The following SHROOM3 variants were observed in gnomAD, a reference collection of about 807,000 sequenced individuals.
The protein encoded by SHROOM3 is shroom family member 3, also known as protein Shroom3.
In SHROOM3, 47 loss-of-function variants were observed where a neutral mutation model predicts 138.6. The ratio of observed to expected loss-of-function variants is 0.34; its 90% CI spans 0.27 to 0.43. SHROOM3 has a LOEUF of 0.43. SHROOM3 is among the 20% of genes least tolerant of loss of function. The pLI is 1.00. For missense variants in SHROOM3, 2,491 were observed against 2,596.5 expected (o/e 0.96, Z 0.88); for synonymous variants, 1,062 against 1,063.3 (o/e 1.00, Z 0.02).
chr4:76,558,322 A>G (rs1422796770), intron 2 of SHROOM3, among the ~76,000 whole-genome samples: 1 of 152,210 alleles, frequency 6.6e-6, no homozygotes, highest in Non-Finnish European at 1.5e-5. Flanking sequence ...CAGTTTCCTC[A>G]TTTGTGAAAT....
chr4:76,475,808 TC>T (rs1731472864), intron 1 of SHROOM3, among the ~76,000 whole-genome samples: 1 of 152,240 alleles, frequency 6.6e-6, no homozygotes, highest in Admixed American at 6.5e-5. Context: ...GAAGACAGTT[TC>T]AGTAAATTGT....
chr4:76,643,915 G>A (rs1036621286), intron 2 of SHROOM3, among the ~76,000 whole-genome samples: 59 of 152,044 alleles, frequency 3.9e-4, no homozygotes, highest in Admixed American at 3.1e-3. Flanking sequence ...CACGTTCTCA[G>A]CTCACTGCAA....
chr4:76,447,389 G>T (rs775298972), intron 1 of SHROOM3, among the ~76,000 whole-genome samples: 11 of 152,100 alleles, frequency 7.2e-5, no homozygotes, highest in Admixed American at 1.3e-4. Flanking sequence ...AAGTTGTGTG[G>T]GTACAATGTA....
intron 2 of SHROOM3, among the ~76,000 whole-genome samples, chr4:76,574,819 G>T (rs920326516): frequency 6.6e-6 from 1 of 152,180 alleles, no homozygotes; most frequent in African/African-American, 2.4e-5. Flanking sequence ...CCACAGGTTG[G>T]GGGAGGGGAG....
intron 2 of SHROOM3, among the ~76,000 whole-genome samples, chr4:76,567,143 A>T (rs1399881896): frequency 5.9e-5 from 9 of 152,222 alleles, no homozygotes. Flanking sequence ...AAAATTATAC[A>T]TGTGGGGACA....
chr4:76,481,549 A>G (rs1013601859), intron 1 of SHROOM3, among the ~76,000 whole-genome samples: 3 of 152,066 alleles, frequency 2.0e-5, no homozygotes, highest in Non-Finnish European at 4.4e-5. Context: ...TCACAGCCGA[A>G]TTCTACCAGA....
intron 1 of SHROOM3, among the ~76,000 whole-genome samples, chr4:76,527,837 A>G (rs1247422680): frequency 6.6e-6 from 1 of 152,196 alleles, no homozygotes; most frequent in Non-Finnish European, 1.5e-5. Context: ...GCCCATGACC[A>G]GCCCTGCTGG....
chr4:76,595,846 C>A (rs1577907686), intron 2 of SHROOM3, among the ~76,000 whole-genome samples: 1 of 152,254 alleles, frequency 6.6e-6, no homozygotes, highest in East Asian at 1.9e-4. Context: ...TTTAGATAAG[C>A]AAGTTTCTAA....
At chr4:76,550,433 GAGAGGATGAAAT>G (rs1326566619) in intron 1 of SHROOM3, among the ~76,000 whole-genome samples, 1 of 152,186 alleles carries the variant, frequency 6.6e-6, no homozygotes, top group African/African-American at 2.4e-5. Flanking sequence ...CCATTAAGAG[GAGAGGATGAAAT>G]AGATTCTGCC....
intron 2 of SHROOM3, among the ~76,000 whole-genome samples, chr4:76,560,476 C>G (rs1733576193): frequency 6.6e-6 from 1 of 152,200 alleles, no homozygotes; most frequent in Non-Finnish European, 1.5e-5. Flanking sequence ...GCCTTAGAAT[C>G]AATGAATCCT....
At chr4:76,488,670 G>C (rs1479064234) in intron 1 of SHROOM3, among the ~76,000 whole-genome samples, 1 of 152,114 alleles carries the variant, frequency 6.6e-6, no homozygotes, top group Non-Finnish European at 1.5e-5. Context: ...AGAGCCTTGG[G>C]GAAAATTTTA....
intron 1 of SHROOM3, among the ~76,000 whole-genome samples, chr4:76,489,711 G>T (rs564853783): frequency 1.1e-4 from 17 of 152,224 alleles, no homozygotes; most frequent in African/African-American, 3.1e-4. Context: ...GCCAAGAATG[G>T]TGCTACACTT....
intron 2 of SHROOM3, among the ~76,000 whole-genome samples, chr4:76,570,286 G>A (rs770975872): frequency 3.3e-5 from 5 of 152,142 alleles, no homozygotes; most frequent in Admixed American, 2.6e-4. Context: ...AGCAGGAATG[G>A]CCTCCATGTC....
At chr4:76,456,547 C>T (rs1731030715) in intron 1 of SHROOM3, among the ~76,000 whole-genome samples, 1 of 152,040 alleles carries the variant, frequency 6.6e-6, no homozygotes, top group South Asian at 2.1e-4. Flanking sequence ...TGGGTTTATG[C>T]TAAGGAAATA....
chr4:76,752,558 A>G (rs577363469), intron 6 of SHROOM3, among the ~76,000 whole-genome samples: 25 of 152,272 alleles, frequency 1.6e-4, no homozygotes, highest in African/African-American at 5.8e-4. Context: ...TCCTGGATAC[A>G]TATCAGCAGA....
chr4:76,485,903 T>C (rs1256412457), intron 1 of SHROOM3, among the ~76,000 whole-genome samples: 1 of 152,218 alleles, frequency 6.6e-6, no homozygotes, highest in African/African-American at 2.4e-5. Flanking sequence ...TTGTCCTACA[T>C]AGTCATATGA....
At chr4:76,584,045 C>G (rs536419488) in intron 2 of SHROOM3, among the ~76,000 whole-genome samples, 1 of 152,120 alleles carries the variant, frequency 6.6e-6, no homozygotes, top group South Asian at 2.1e-4. Context: ...CTGGGTACGG[C>G]GGCTCACGCC....
At chr4:76,544,648 C>T (rs2110022607) in intron 1 of SHROOM3, among the ~76,000 whole-genome samples, 1 of 152,264 alleles carries the variant, frequency 6.6e-6, no homozygotes, top group East Asian at 1.9e-4. Flanking sequence ...CTGCCCACCT[C>T]AGCCTCCCAA....
intron 1 of SHROOM3, among the ~76,000 whole-genome samples, chr4:76,499,393 G>A (rs1240646938): frequency 2.0e-5 from 3 of 152,154 alleles, no homozygotes; most frequent in South Asian, 2.1e-4. Context: ...TGATTAGCTC[G>A]CTTTTGTTGC....
Sources: allele counts gnomAD v4.1 joint callset (sites outside exome capture counted in the v4.1 genomes callset), GRCh38; gene constraint gnomAD v4.1.1; transcripts MANE v1.5; gene names NCBI Gene and HGNC (gene_info 2026-07-23, HGNC 2026-07-21).